Variants in AP1M2 observed in about 807,000 individuals in gnomAD.
AP1M2 encodes adaptor related protein complex 1 subunit mu 2.
A neutral mutation model predicts 54.6 loss-of-function variants in AP1M2; 41 were observed. That is an observed-to-expected ratio of 0.75 (90% CI 0.59 to 0.97). AP1M2 has a LOEUF of 0.97. AP1M2 is among the 50% of genes least tolerant of loss of function. The pLI, the probability that AP1M2 is intolerant of heterozygous loss-of-function variation, is 0.00. For missense variants in AP1M2, 507 were observed against 561.2 expected (o/e 0.90, Z 0.98); for synonymous variants, 219 against 215.9 (o/e 1.01, Z -0.13).
In AP1M2 at chr19:10,578,910, G is replaced by A. The variant is rs377279779; in HGVS notation, c.870C>T (p.Arg290=). Reference sequence around the variant, plus strand: ...GGCCCACCTTGACCATGATCTCCACGCGGCTGTGGGAGAACTTCTCAATGA... The same window carrying A: ...GGCCCACCTTGACCATGATCTCCACACGGCTGTGGGAGAACTTCTCAATGA... The part of the protein sequence containing the change: ...ESVIEKFSHS[R]VEIMVKAKGQ... The change falls in exon 8 of 12, where the codon CGC becomes CGT. Residue 290 remains arginine, a synonymous_variant. Coordinates refer to ENST00000250244, the MANE Select transcript of AP1M2 (RefSeq NM_005498.5). 8.7e-6 allele frequency: 14 copies of A among 1,608,328 alleles called. No individual in the cohort carries two copies. Among genetic ancestry groups the A allele is most frequent in the South Asian group, 2.2e-5 (2 of 89,632 alleles).
At chr19:10,587,081 G>T (rs890002965) in intron 1 of AP1M2, 109 bp downstream of exon 1, 2 of 1,221,526 alleles carry the variant, frequency 1.6e-6, no homozygotes, top group African/African-American at 3.0e-5. Context: ...ATTGCAGGGG[G>T]AGGGGGTGTT....
chr19:10,578,343 G>A (rs777158690), intron 8 of AP1M2, among the ~76,000 whole-genome samples: 48 of 152,128 alleles, frequency 3.2e-4, no homozygotes, highest in Middle Eastern at 6.8e-3. Context: ...GGAGGCAGGC[G>A]TGGCGGCAGG....
At chr19:10,580,323 T>A (rs1387538726) in intron 6 of AP1M2, among the ~76,000 whole-genome samples, 4 of 151,474 alleles carry the variant, frequency 2.6e-5, no homozygotes, top group Admixed American at 6.6e-5. Flanking sequence ...AGTGCTGGGA[T>A]TACAGGCGTG....
intron 9 of AP1M2, 93 bp from the exon 10 acceptor site, chr19:10,575,122 G>T: frequency 7.7e-7 from 1 of 1,290,342 alleles, no homozygotes. Flanking sequence ...TCTGCTCACA[G>T]CCCATTTCAC....
intron 1 of AP1M2, among the ~76,000 whole-genome samples, chr19:10,584,473 G>A (rs1350937607): frequency 2.0e-5 from 3 of 152,144 alleles, no homozygotes; most frequent in Non-Finnish European, 2.9e-5. Flanking sequence ...CCAGCTACTC[G>A]GGGTGCTGAG....
chr19:10,577,397 C>T, intron 8 of AP1M2, 41 bp from the exon 9 acceptor site: 2 of 1,162,482 alleles, frequency 1.7e-6, no homozygotes, highest in Non-Finnish European at 2.4e-6. Flanking sequence ...AATTCGCTTG[C>T]TCATCCTTCA....
intron 11 of AP1M2, among the ~76,000 whole-genome samples, chr19:10,573,376 G>A (rs1038512062): frequency 3.2e-4 from 49 of 151,936 alleles, no homozygotes; most frequent in African/African-American, 1.1e-3. Context: ...CTGAGATTGC[G>A]CCACTGCACT....
chr19:10,579,047 C>CTCTGTCTCAA, intron 7 of AP1M2, 84 bp from the exon 8 acceptor site: 4 of 1,048,772 alleles, frequency 3.8e-6, no homozygotes, highest in East Asian at 2.9e-5. Flanking sequence ...TTCTTTGAGA[C>CTCTGTCTCAA]AGAGTCTCGC....
intron 9 of AP1M2, among the ~76,000 whole-genome samples, chr19:10,576,645 CGCTTCA>C (rs1917245358): frequency 6.6e-6 from 1 of 151,912 alleles, no homozygotes; most frequent in Non-Finnish European, 1.5e-5. Context: ...GTGATCTGCC[CGCTTCA>C]GCCTCCCAAA....
Position 10,583,950 on chromosome 19 carries a change from C to G in AP1M2, c.163G>C (p.Val55Leu). 2 of 1,602,276 alleles carry G rather than the reference C, an allele frequency of 1.2e-6. No individual in the cohort carries two copies. Among genetic ancestry groups the G allele is most frequent in the Non-Finnish European group, 1.7e-6 (2 of 1,174,650 alleles). Residue 55 changes from valine (V) to leucine (L), a missense_variant, in exon 2 of 12, where the codon GTC becomes CTC. Val to Leu is a conservative substitution (Grantham distance 32, BLOSUM62 1). Coordinates refer to ENST00000250244, the MANE Select transcript of AP1M2 (RefSeq NM_005498.5). The part of the protein sequence containing the change: ...ALAPLLSHGQ[V>L]HFLWIKHSNL... ...CTGTGTTTGATCCATAGGAAGTGGA[C>G]CTGGCCGTGGCTCAGCAGCGGGGCC...
chr19:10,581,011 C>G (rs1316245914), intron 6 of AP1M2, among the ~76,000 whole-genome samples: 2 of 152,190 alleles, frequency 1.3e-5, no homozygotes, highest in African/African-American at 2.4e-5. Flanking sequence ...AGGATGTCAT[C>G]TCTGTAAGAA....
chr19:10,574,337 C>G, intron 11 of AP1M2, 80 bp downstream of exon 11: 2 of 1,216,362 alleles, frequency 1.6e-6, no homozygotes, highest in Non-Finnish European at 2.3e-6. Context: ...GTTTTCTGAG[C>G]CAGAATGTGG....
At chr19:10,579,217 C>G (rs1335794333) in intron 7 of AP1M2, among the ~76,000 whole-genome samples, 1 of 151,642 alleles carries the variant, frequency 6.6e-6, no homozygotes, top group Non-Finnish European at 1.5e-5. Context: ...GAGATCGAGA[C>G]CATCCTGGCT....
rs962746187 is a variant in AP1M2 at position 10,585,565 on chromosome 19, C to T, written c.43-1495G>A. On this transcript the variant is annotated intron_variant, in intron 1 of 11. Coordinates refer to ENST00000250244, the MANE Select transcript of AP1M2 (RefSeq NM_005498.5). ...TACAAAAATTAGCTTGGTGTGCTGGCGCATGACCGTAATCCCAGCTACTCA... is the reference window on the plus strand; with the variant it reads ...TACAAAAATTAGCTTGGTGTGCTGGTGCATGACCGTAATCCCAGCTACTCA... Among the ~76,000 whole-genome samples, 17 of 151,798 alleles carry T rather than the reference C, an allele frequency of 1.1e-4. No individual in the cohort carries two copies. In the East Asian group the frequency reaches 1.2e-3, roughly 10 times the overall value.
rs1197140582 is a variant in AP1M2 at position 10,579,282 on chromosome 19, GGCAT to G, written c.817-323_817-320del. On this transcript the variant is annotated intron_variant, in intron 7 of 11. Coordinates refer to ENST00000250244, the MANE Select transcript of AP1M2 (RefSeq NM_005498.5). Reference sequence around the variant, plus strand: ...ATGCAAAAAATTAGCTGGACACGGTGGCATGCGCCTATAGTCCCAGCTACTCGGG... The same window carrying G: ...ATGCAAAAAATTAGCTGGACACGGTGGCGCCTATAGTCCCAGCTACTCGGG... Among the ~76,000 whole-genome samples, 3 of 152,112 alleles carry G rather than the reference GGCAT, an allele frequency of 2.0e-5. No individual in the cohort carries two copies. In the East Asian group the frequency reaches 5.8e-4, roughly 30 times the overall value.
chr19:10,579,010 CTCTTCTTT>C (rs1262679090), intron 7 of AP1M2, 47 bp from the exon 8 acceptor site: 1 of 1,074,200 alleles, frequency 9.3e-7, no homozygotes. Context: ...CATGTTGACT[CTCTTCTTT>C]TTTTTTTTTT....
Position 10,583,956 on chromosome 19 carries a change from C to T in AP1M2, c.157G>A (p.Gly53Ser), listed in dbSNP as rs754073304. Residue 53 changes from glycine (G) to serine (S), a missense_variant, in exon 2 of 12, where the codon GGC (glycine) becomes AGC (serine). Transcript: ENST00000250244. ...TTGATCCATAGGAAGTGGACCTGGC[C>T]GTGGCTCAGCAGCGGGGCCAGGGCG... The part of the protein sequence containing the change: ...EGALAPLLSH[G>S]QVHFLWIKHS... 1.8e-5 allele frequency: 29 copies of T among 1,602,822 alleles called. No individual in the cohort carries two copies. The highest frequency in any genetic ancestry group is 1.7e-5 in the Non-Finnish European group (20 of 1,175,004).
intron 3 of AP1M2, among the ~76,000 whole-genome samples, chr19:10,582,836 T>A (rs1016027693): frequency 6.6e-6 from 1 of 150,732 alleles, no homozygotes; most frequent in South Asian, 2.1e-4. Flanking sequence ...GCTTCTTTTT[T>A]TTTTTTTGAG....
chr19:10,582,675 G>C (rs943394072), intron 3 of AP1M2, among the ~76,000 whole-genome samples: 5 of 151,720 alleles, frequency 3.3e-5, no homozygotes, highest in African/African-American at 1.2e-4. Flanking sequence ...TTGAACCCAG[G>C]AGGTAGAGGT....
Sources: allele counts gnomAD v4.1 joint callset (sites outside exome capture counted in the v4.1 genomes callset), GRCh38; gene constraint gnomAD v4.1.1; transcripts MANE v1.5; gene names NCBI Gene and HGNC (gene_info 2026-07-23, HGNC 2026-07-21).